The following HELZ variants were observed in gnomAD, a reference collection of about 807,000 sequenced individuals.
HELZ encodes the protein helicase with zinc finger.
In HELZ, 23 loss-of-function variants were observed where a neutral mutation model predicts 218.2. The ratio of observed to expected loss-of-function variants is 0.11; its 90% confidence interval spans 0.08 to 0.15. HELZ has a LOEUF of 0.15. Ranked by LOEUF, HELZ falls within the 10% of genes least tolerant of loss-of-function variation. The pLI, the probability that HELZ is intolerant of heterozygous loss-of-function variation, is 1.00. For synonymous variants in HELZ, 814 were observed against 829.4 expected (o/e 0.98, Z 0.32); for missense variants, 1,813 against 2,353.7 (o/e 0.77, Z 4.75).
intron 3 of HELZ, among the ~76,000 whole-genome samples, chr17:67,226,951 G>T (rs534632369): frequency 1.3e-5 from 2 of 152,092 alleles, no homozygotes; most frequent in South Asian, 4.1e-4. Context: ...CTATAAAAAT[G>T]AAGAACAAGA....
At chr17:67,230,170 T>C (rs549306852) in intron 3 of HELZ, among the ~76,000 whole-genome samples, 32 of 152,338 alleles carry the variant, frequency 2.1e-4, no homozygotes, top group Non-Finnish European at 4.0e-4. Flanking sequence ...TTTCAGGGTT[T>C]CCAGCAATTC....
chr17:67,135,228 C>A (rs988613423), intron 23 of HELZ, among the ~76,000 whole-genome samples: 4 of 152,154 alleles, frequency 2.6e-5, no homozygotes, highest in African/African-American at 9.7e-5. Flanking sequence ...ATGTTAAGAT[C>A]TTCTGGATTA....
In HELZ at chr17:67,166,598, T is replaced by C. The variant is rs968947065; in HGVS notation, c.1775A>G (p.Gln592Arg). 1 of 1,613,456 alleles carries C rather than the reference T, an allele frequency of 6.2e-7. No individual in the cohort carries two copies. The highest frequency in any genetic ancestry group is 8.5e-7 in the Non-Finnish European group (1 of 1,179,582). ...RPDCDTQVEL[Q>R]FQLNRLPLCE... ...GAGGGGTAATCGATTTAATTGAAAC[T>C]GAAGTTCAACCTGAAAGACAAAATG... Residue 592 changes from glutamine to arginine, a missense_variant, in exon 15 of 33, where the codon CAG becomes CGG. Physicochemically the swap from Gln to Arg is conservative, Grantham distance 43. Transcript: ENST00000358691.
At chr17:67,143,913 A>G (rs917544978) in intron 21 of HELZ, among the ~76,000 whole-genome samples, 3 of 152,256 alleles carry the variant, frequency 2.0e-5, no homozygotes, top group African/African-American at 4.8e-5. Context: ...TCTTGAACTT[A>G]TAATTCCAAA....
chr17:67,209,120 TAAA>T (rs200024507), intron 5 of HELZ, among the ~76,000 whole-genome samples: 4 of 137,726 alleles, frequency 2.9e-5, no homozygotes, highest in East Asian at 2.2e-4. Flanking sequence ...CCTGGGGAAT[TAAA>T]AAAAAAAAAA....
chr17:67,192,440 T>G (rs1310665550), intron 9 of HELZ, among the ~76,000 whole-genome samples: 2 of 152,182 alleles, frequency 1.3e-5, no homozygotes. Flanking sequence ...ATTATACTAT[T>G]TATTAAATTC....
At chr17:67,170,437 C>A (rs183370364) in intron 13 of HELZ, among the ~76,000 whole-genome samples, 2 of 152,110 alleles carry the variant, frequency 1.3e-5, no homozygotes, top group East Asian at 3.9e-4. Flanking sequence ...ATTGCTTGAA[C>A]CAGGAGGCGG....
intron 15 of HELZ, 137 bp downstream of exon 15, chr17:67,166,341 T>G (rs1309808931): frequency 3.3e-6 from 2 of 605,290 alleles, no homozygotes; most frequent in African/African-American, 3.7e-5. Flanking sequence ...AAGTGTTCTT[T>G]TACTCTCCTT....
At chr17:67,123,587 AAAAT>A (rs1392005833) in intron 25 of HELZ, among the ~76,000 whole-genome samples, 1 of 152,226 alleles carries the variant, frequency 6.6e-6, no homozygotes, top group African/African-American at 2.4e-5. Flanking sequence ...TGCAATATTT[AAAAT>A]AATTTAAGTA....
At position 67,107,219 on chromosome 17, in the gene HELZ, G is replaced by A. The variant is rs775183896; in HGVS notation, c.5191C>T (p.Pro1731Ser). 5 of 1,614,096 alleles carry A rather than the reference G, an allele frequency of 3.1e-6. No individual in the cohort carries two copies. The highest frequency in any genetic ancestry group is 1.1e-5 in the South Asian group (1 of 91,080). ...GAAGATACTGTTCGAGATGACAATG[G>A]GTGAAATGGCTCTTGACCAATAGCA... ...QHAIGQEPFH[P>S]LSSRTVSSSS... is the part of the protein sequence containing the mutation. Residue 1731 changes from proline to serine, a missense_variant, in exon 31 of 33, where the codon CCA (proline) becomes TCA (serine). Pro to Ser is a moderately conservative substitution (Grantham distance 74). This residue lies in a region of HELZ where 938 missense variants were observed against 1,027.5 expected (regional missense o/e 0.91). Transcript: ENST00000358691.
At chr17:67,242,116 C>T (rs1351092098) in intron 2 of HELZ, among the ~76,000 whole-genome samples, 2 of 152,168 alleles carry the variant, frequency 1.3e-5, no homozygotes, top group Non-Finnish European at 2.9e-5. Flanking sequence ...TATCTGTAGG[C>T]TTCAAGAAAA....
rs769402243 is a variant in HELZ, at chr17:67,188,369, A to C, written c.1112T>G (p.Leu371Trp). The C allele has an allele frequency of 6.2e-7, 1 of 1,613,940 alleles. No individual in the cohort carries two copies. Among genetic ancestry groups the C allele is most frequent in the Non-Finnish European group, 8.5e-7 (1 of 1,179,828 alleles). ...FRQTIVFDFG[L>W]EPVLMQRVMI... ...TACTCTTTGCATGAGTACTGGTTCC[A>C]ATCCAAAGTCGAAAACTATGGTTTG... The change falls in exon 12 of 33, where the codon TTG (leucine) becomes TGG (tryptophan). Residue 371 changes from leucine (L) to tryptophan (W), a missense_variant. Leu to Trp is a moderately conservative substitution (Grantham distance 61, BLOSUM62 -2). Transcript: ENST00000358691. The surrounding 1 kb of genome is among the most constrained non-coding windows in gnomAD (Gnocchi z 4.1).
intron 3 of HELZ, among the ~76,000 whole-genome samples, chr17:67,220,356 T>C (rs1394590421): frequency 2.0e-5 from 3 of 152,186 alleles, no homozygotes; most frequent in Non-Finnish European, 4.4e-5. Flanking sequence ...TAGAAATAGC[T>C]AGGGAATGAG....
intron 9 of HELZ, among the ~76,000 whole-genome samples, chr17:67,193,682 T>C (rs1179062329): frequency 6.6e-6 from 1 of 152,110 alleles, no homozygotes; most frequent in Admixed American, 6.5e-5. Context: ...TGCCACTGCA[T>C]TCTAGCCTGG....
intron 8 of HELZ, 30 bp from the exon 9 acceptor site, chr17:67,194,072 A>T: frequency 6.8e-7 from 1 of 1,479,854 alleles, no homozygotes; most frequent in Non-Finnish European, 9.4e-7. Context: ...TAGTCTTATC[A>T]TTTGAGGCTA....
intron 32 of HELZ, among the ~76,000 whole-genome samples, chr17:67,082,708 A>G (rs568922942): frequency 2.0e-5 from 3 of 152,284 alleles, no homozygotes; most frequent in Admixed American, 1.3e-4. Context: ...ATATTTCAAT[A>G]TAAGTGTTTT....
At chr17:67,212,506 T>A (rs1339181162) in intron 5 of HELZ, among the ~76,000 whole-genome samples, 1 of 151,882 alleles carries the variant, frequency 6.6e-6, no homozygotes, top group Non-Finnish European at 1.5e-5. Flanking sequence ...CTTCATCTTA[T>A]ACAAAAATAA....
chr17:67,075,776 G>C lies in HELZ; in HGVS notation c.*2476C>G, dbSNP rs1393350993. 1 of 152,514 alleles carries C rather than the reference G, an allele frequency of 6.6e-6. No homozygotes were observed. Among genetic ancestry groups the C allele is most frequent in the Non-Finnish European group, 1.5e-5 (1 of 68,024 alleles). 9.4% of individuals were successfully genotyped at this position (152,514 alleles called of 1,614,324 possible). ...AGAGTATCAGATGGAAGCAGCGTTA[G>C]AATCCTTGACTGGCTATGGAAATAA... On this transcript the variant is annotated 3_prime_UTR_variant, in exon 33 of 33. Coordinates refer to ENST00000358691, the MANE Select transcript of HELZ (RefSeq NM_014877.4).
At position 67,127,285 on chromosome 17, in the gene HELZ, C is replaced by T. The variant is rs528169562; in HGVS notation, c.3387+1366G>A. Among the ~76,000 whole-genome samples the T allele has an allele frequency of 3.3e-5, 5 of 152,294 alleles. No individual in the cohort carries two copies. In the East Asian group the frequency reaches 5.8e-4, roughly 18 times the overall value. ...TGTGCTCCTTTAGCACCTACAATAA[C>T]ATCTGGCACATAGAAGTAACTTAAC... On this transcript the variant is annotated intron_variant, in intron 24 of 32. Transcript: ENST00000358691.
Sources: allele counts gnomAD v4.1 joint callset (sites outside exome capture counted in the v4.1 genomes callset), GRCh38; gene constraint gnomAD v4.1.1; regional missense constraint gnomAD v4.1.1; non-coding constraint Gnocchi (gnomAD v3.1); transcripts MANE v1.5; gene names NCBI Gene and HGNC (gene_info 2026-07-23, HGNC 2026-07-21).